Variants in LPP observed in about 807,000 individuals in gnomAD.
LPP encodes LIM domain containing preferred translocation partner in lipoma.
LPP carries 38 observed loss-of-function variants against 60.4 expected under a neutral mutation model. The observed-to-expected ratio is 0.63, with a 90% CI of 0.49 to 0.83. The LOEUF (loss-of-function observed/expected upper bound fraction) is 0.83, where lower values mean the gene tolerates loss of function less well. Ranked by LOEUF, LPP falls within the 40% of genes least tolerant of loss-of-function variation. LPP has a pLI of 0.00. For missense variants in LPP, 902 were observed against 783.6 expected (o/e 1.15, Z -1.80); for synonymous variants, 328 against 290.8 (o/e 1.13, Z -1.30).
chr3:188,370,219 C>A (rs1165876757), intron 3 of LPP, among the ~76,000 whole-genome samples: 2 of 152,196 alleles, frequency 1.3e-5, no homozygotes, highest in African/African-American at 4.8e-5. Context: ...AGTCACCACA[C>A]CTGGCCAGTC....
chr3:188,302,304 A>G (rs980389820), intron 2 of LPP, among the ~76,000 whole-genome samples: 2 of 152,222 alleles, frequency 1.3e-5, no homozygotes, highest in Admixed American at 1.3e-4. Flanking sequence ...TTTTTGTGGA[A>G]CAGAGACTTG....
At chr3:188,327,838 C>G (rs1365947662) in intron 2 of LPP, among the ~76,000 whole-genome samples, 1 of 151,994 alleles carries the variant, frequency 6.6e-6, no homozygotes, top group African/African-American at 2.4e-5. Flanking sequence ...TCTCTGAACT[C>G]CTTTATGTTC....
chr3:188,705,078 C>G (rs564522806), intron 7 of LPP, among the ~76,000 whole-genome samples: 77 of 152,272 alleles, frequency 5.1e-4, no homozygotes, highest in African/African-American at 1.8e-3. Context: ...ATATCTTTAT[C>G]ACTTGAAGTC....
At chr3:188,495,913 G>A (rs1426269) in intron 5 of LPP, among the ~76,000 whole-genome samples, 17,164 of 152,138 alleles carry the variant, frequency 0.11, 1,027 homozygotes, top group Non-Finnish European at 0.13. Flanking sequence ...AAACCCTAGT[G>A]TCTTAGGAAG....
chr3:188,859,682 G>T lies in LPP; in HGVS notation c.1411-6518G>T, dbSNP rs576876219. On this transcript the variant is annotated intron_variant, in intron 9 of 11. Coordinates refer to ENST00000617246, the MANE Select transcript of LPP (RefSeq NM_001375462.1). Reference sequence around the variant, plus strand: ...GGCATATAAGAAGTTTGTTTAAAGAGAGTTTATAAGAAAACTGAGGCAATA... The same window carrying T: ...GGCATATAAGAAGTTTGTTTAAAGATAGTTTATAAGAAAACTGAGGCAATA... Among the ~76,000 whole-genome samples the T allele has an allele frequency of 7.2e-5, 11 of 152,280 alleles. No homozygotes were observed. The South Asian group carries it at 2.3e-3, about 32-fold the overall frequency.
chr3:188,313,397 C>G (rs144692625), intron 2 of LPP, among the ~76,000 whole-genome samples: 3,319 of 152,084 alleles, frequency 0.022, 132 homozygotes, highest in African/African-American at 0.075. Context: ...CCCAGCACTT[C>G]GGGTGGCTGA....
chr3:188,267,556 A>C (rs1332026341), intron 2 of LPP, among the ~76,000 whole-genome samples: 1 of 152,194 alleles, frequency 6.6e-6, no homozygotes, highest in Non-Finnish European at 1.5e-5. Flanking sequence ...GGGCCGAGTT[A>C]TCTCCCCAGA....
At chr3:188,656,199 GAAAAAAAA>G (rs67731158) in intron 7 of LPP, among the ~76,000 whole-genome samples, 3 of 134,920 alleles carry the variant, frequency 2.2e-5, no homozygotes, top group Non-Finnish European at 4.7e-5. Context: ...TCTCCAAAAG[GAAAAAAAA>G]AAAAAAAAAA....
chr3:188,240,877 A>G (rs527634546), intron 2 of LPP, among the ~76,000 whole-genome samples: 2 of 152,328 alleles, frequency 1.3e-5, no homozygotes, highest in African/African-American at 4.8e-5. Context: ...TATTAAAGTA[A>G]TGCTCTGAAA....
intron 3 of LPP, among the ~76,000 whole-genome samples, chr3:188,396,772 A>G (rs1297712906): frequency 3.3e-5 from 5 of 152,210 alleles, no homozygotes; most frequent in Non-Finnish European, 2.9e-5. Flanking sequence ...CCTTGAACAG[A>G]AAAGCAGTCT....
intron 9 of LPP, among the ~76,000 whole-genome samples, chr3:188,771,576 A>AAAGG (rs1553842392): frequency 0.25 from 30,929 of 125,958 alleles, 4,158 homozygotes; most frequent in South Asian, 0.45. Context: ...AGAAAGAAAG[A>AAAGG]AAGAAAGGGA....
chr3:188,604,461 T>G (rs1842025358), intron 6 of LPP, among the ~76,000 whole-genome samples: 1 of 152,070 alleles, frequency 6.6e-6, no homozygotes, highest in Non-Finnish European at 1.5e-5. Context: ...GCCATAAAAA[T>G]GAAAACAAGT....
chr3:188,498,009 A>G (rs961453320), intron 5 of LPP, among the ~76,000 whole-genome samples: 2 of 152,164 alleles, frequency 1.3e-5, no homozygotes, highest in African/African-American at 4.8e-5. Context: ...CAGTCCCAAC[A>G]TGAACTAGCT....
chr3:188,540,652 T>C (rs777099206), intron 6 of LPP, among the ~76,000 whole-genome samples: 4 of 152,192 alleles, frequency 2.6e-5, no homozygotes, highest in African/African-American at 4.8e-5. Context: ...TCTCCCAGGA[T>C]TGTAATGAGG....
chr3:188,765,541 A>C (rs1291084265), intron 9 of LPP, among the ~76,000 whole-genome samples: 1 of 152,142 alleles, frequency 6.6e-6, no homozygotes, highest in Non-Finnish European at 1.5e-5. Context: ...TGTCATACCT[A>C]GTAGAGCCTT....
intron 2 of LPP, among the ~76,000 whole-genome samples, chr3:188,244,819 G>C (rs1726300958): frequency 6.6e-6 from 1 of 152,190 alleles, no homozygotes; most frequent in African/African-American, 2.4e-5. Context: ...GCCCTGAACT[G>C]TGAACTCAGC....
chr3:188,468,056 T>C (rs1800910500), intron 4 of LPP, among the ~76,000 whole-genome samples: 1 of 152,142 alleles, frequency 6.6e-6, no homozygotes, highest in Non-Finnish European at 1.5e-5. Context: ...AGGGTAACAA[T>C]GCTATCTTTG....
intron 2 of LPP, among the ~76,000 whole-genome samples, chr3:188,321,789 T>G (rs1757036990): frequency 1.3e-5 from 2 of 152,328 alleles, no homozygotes; most frequent in South Asian, 4.1e-4. Context: ...TAGAAGATGG[T>G]TAACTGGCAT....
intron 4 of LPP, among the ~76,000 whole-genome samples, chr3:188,475,780 G>A (rs1394602318): frequency 6.6e-6 from 1 of 152,140 alleles, no homozygotes; most frequent in Non-Finnish European, 1.5e-5. Flanking sequence ...GCGGGCGCCT[G>A]TAGTCCCAGC....
Sources: gnomAD v4.1 joint callset for allele counts (sites outside exome capture counted in the v4.1 genomes callset) on GRCh38, gnomAD v4.1.1 for gene constraint, MANE v1.5 for transcripts, NCBI Gene and HGNC (gene_info 2026-07-23, HGNC 2026-07-21) for gene names.